The following PLEKHM1 variants were observed in gnomAD, a reference collection of about 807,000 sequenced individuals.
PLEKHM1 encodes pleckstrin homology and RUN domain containing M1, also known as pleckstrin homology domain-containing family M member 1.
A neutral mutation model predicts 94.3 loss-of-function variants in PLEKHM1; 28 were observed. The ratio of observed to expected loss-of-function variants is 0.30; its 90% CI spans 0.22 to 0.41. PLEKHM1 has a LOEUF of 0.41. Among genes scored for constraint, PLEKHM1 ranks in the 10% least tolerant of loss-of-function variants. The pLI is 1.00. For missense variants in PLEKHM1, 907 were observed against 1,358.6 expected (o/e 0.67, Z 5.22); for synonymous variants, 424 against 581.2 (o/e 0.73, Z 3.89).
At chr17:45,486,514 C>T (rs1248509511) in intron 1 of PLEKHM1, among the ~76,000 whole-genome samples, 1 of 151,650 alleles carries the variant, frequency 6.6e-6, no homozygotes, top group Non-Finnish European at 1.5e-5. Flanking sequence ...GTGGAGCTTG[C>T]AGTGAGCCAA....
chr17:45,485,448 C>G (rs996557010), intron 1 of PLEKHM1, among the ~76,000 whole-genome samples: 30 of 152,034 alleles, frequency 2.0e-4, no homozygotes, highest in African/African-American at 6.8e-4. Flanking sequence ...AGGGCCGGGA[C>G]CCTAAGGACT....
intron 5 of PLEKHM1, among the ~76,000 whole-genome samples, chr17:45,462,734 A>G (rs1023639793): frequency 1.3e-5 from 2 of 152,228 alleles, no homozygotes; most frequent in Non-Finnish European, 2.9e-5. Flanking sequence ...ACATAAAATA[A>G]CAAAGGTGGG....
intron 2 of PLEKHM1, among the ~76,000 whole-genome samples, chr17:45,482,036 T>C (rs891889676): frequency 1.5e-4 from 23 of 151,806 alleles, no homozygotes; most frequent in Non-Finnish European, 3.1e-4. Flanking sequence ...ATTTAGAATA[T>C]CCTAGAAAAT....
intron 9 of PLEKHM1, among the ~76,000 whole-genome samples, chr17:45,443,670 G>C (rs1049491902): frequency 2.0e-5 from 3 of 151,438 alleles, no homozygotes; most frequent in Admixed American, 1.3e-4. Flanking sequence ...CAGGCATCTG[G>C]TCTACACAGG....
At chr17:45,462,809 T>A (rs988635508) in intron 5 of PLEKHM1, among the ~76,000 whole-genome samples, 1 of 152,098 alleles carries the variant, frequency 6.6e-6, no homozygotes. Context: ...AGAATGGGCA[T>A]GATGGATCAT....
intron 1 of PLEKHM1, chr17:45,487,616 C>G (rs543941688): frequency 2.3e-5 from 10 of 434,700 alleles, no homozygotes; most frequent in South Asian, 1.3e-4. Flanking sequence ...TAGGAAGGAA[C>G]AGTTCCGGTT....
chr17:45,486,021 C>G (rs891041694), intron 1 of PLEKHM1, among the ~76,000 whole-genome samples: 6 of 150,000 alleles, frequency 4.0e-5, no homozygotes, highest in African/African-American at 1.5e-4. Flanking sequence ...TCGAGACCAT[C>G]CTGGCTAACA....
At chr17:45,435,825 C>T, downstream of PLEKHM1, 4 of 399,000 alleles carry the variant, frequency 1.0e-5, no homozygotes, top group Non-Finnish European at 2.0e-5. Context: ...GGTAGGGGAC[C>T]CTGACAGATG....
At chr17:45,471,538 G>A (rs1173029800) in intron 4 of PLEKHM1, among the ~76,000 whole-genome samples, 6 of 151,606 alleles carry the variant, frequency 4.0e-5, no homozygotes, top group African/African-American at 1.2e-4. Context: ...TGAGCCAGGC[G>A]GATCACCTGA....
chr17:45,445,029 C>T lies in PLEKHM1; in HGVS notation c.2837+441G>A, dbSNP rs112445507. Among the ~76,000 whole-genome samples, 99 of 152,366 alleles carry T rather than the reference C, an allele frequency of 6.5e-4. 2 individuals are homozygous for T. The highest frequency in any genetic ancestry group is 1.8e-3 in the Admixed American group (28 of 15,302). Reference sequence around the variant, plus strand: ...TCCCTGCCAGGCCAGAGACTTCCGGCGGGTCGGCCCTGGCTCTGTCCTGCT... The same window carrying T: ...TCCCTGCCAGGCCAGAGACTTCCGGTGGGTCGGCCCTGGCTCTGTCCTGCT... On this transcript the variant is annotated intron_variant, in intron 9 of 11. Transcript: ENST00000430334. The surrounding 1 kb of genome is among the most constrained non-coding windows in gnomAD (Gnocchi z 4.2).
chr17:45,443,835 G>A (rs533723236), intron 9 of PLEKHM1, among the ~76,000 whole-genome samples: 23 of 152,128 alleles, frequency 1.5e-4, no homozygotes, highest in Non-Finnish European at 2.5e-4. Flanking sequence ...GTAAGTCAGC[G>A]CTTGCCAAGA....
At chr17:45,475,830 T>A (rs540325483) in intron 3 of PLEKHM1, 104 bp from the exon 4 acceptor site, 1 of 1,202,498 alleles carries the variant, frequency 8.3e-7, no homozygotes, top group African/African-American at 1.5e-5. Flanking sequence ...TGCAAATAGA[T>A]ACAGGCATGA....
intron 6 of PLEKHM1, among the ~76,000 whole-genome samples, chr17:45,457,446 A>G (rs1026784267): frequency 3.3e-5 from 5 of 151,800 alleles, no homozygotes; most frequent in Admixed American, 2.6e-4. Flanking sequence ...TGTAATCCCA[A>G]CTACTCGGGT....
chr17:45,486,869 C>A (rs935536428), intron 1 of PLEKHM1, among the ~76,000 whole-genome samples: 4 of 152,134 alleles, frequency 2.6e-5, no homozygotes, highest in African/African-American at 9.7e-5. Context: ...GAACTCACGG[C>A]GGGAATCAGA....
rs368293677 is a variant in PLEKHM1, at chr17:45,444,557, G to C, written c.2837+913C>G. On this transcript the variant is annotated intron_variant, in intron 9 of 11. Transcript: ENST00000430334. The surrounding 1 kb of genome is among the most constrained non-coding windows in gnomAD (Gnocchi z 5.0). Reference sequence around the variant, plus strand: ...GAGGCTGGCATGGGCCAGACGACTGGCTGGTACAGGGAAGAGATGGGAACA... The same window carrying C: ...GAGGCTGGCATGGGCCAGACGACTGCCTGGTACAGGGAAGAGATGGGAACA... Among the ~76,000 whole-genome samples the C allele has an allele frequency of 6.6e-6, 1 of 152,198 alleles. No homozygotes were observed. The highest frequency in any genetic ancestry group is 6.5e-5 in the Admixed American group (1 of 15,288).
In PLEKHM1 at chr17:45,437,265, T is replaced by C. The variant is rs1159216478; in HGVS notation, c.*593A>G. Reference sequence around the variant, plus strand: ...CTGAGGGGCGGTTTGGCACTGGCAGTGAGGGCCAAGGAAAGGCACTGGGTG... The same window carrying C: ...CTGAGGGGCGGTTTGGCACTGGCAGCGAGGGCCAAGGAAAGGCACTGGGTG... On this transcript the variant is annotated 3_prime_UTR_variant, in exon 12 of 12. Coordinates refer to ENST00000430334, the MANE Select transcript of PLEKHM1 (RefSeq NM_014798.3). The surrounding 1 kb of genome is among the most constrained non-coding windows in gnomAD (Gnocchi z 4.0). 2.2e-6 allele frequency: 1 copy of C among 454,000 alleles called. No homozygotes were observed. The highest frequency in any genetic ancestry group is 2.3e-5 in the Admixed American group (1 of 42,572). 28.1% of individuals were successfully genotyped at this position (454,000 alleles called of 1,614,324 possible).
chr17:45,461,737 A>G (rs1971634), intron 5 of PLEKHM1, among the ~76,000 whole-genome samples: 5,208 of 151,880 alleles, frequency 0.034, 314 homozygotes, highest in African/African-American at 0.12. Context: ...AGGCCCCTGC[A>G]ACCCCAGGCA....
Position 45,482,459 on chromosome 17 carries a change from A to C in PLEKHM1, c.26T>G (p.Leu9Arg), listed in dbSNP as rs201283261. 557 of 1,247,954 alleles carry C rather than the reference A, an allele frequency of 4.5e-4. 1 individual carries two copies. The highest frequency in any genetic ancestry group is 3.8e-4 in the Non-Finnish European group (329 of 860,240). 77.3% of individuals were successfully genotyped at this position (1,247,954 alleles called of 1,614,324 possible). A position where few individuals can be genotyped will look rare whatever the true frequency, so the allele number is the denominator to read the frequency against. ...TACCGGGATGGCAGCCTGGGGGTCCAGTCCATTCTCCACCACTGAAAGCAT... is the reference window on the plus strand; with the variant it reads ...TACCGGGATGGCAGCCTGGGGGTCCCGTCCATTCTCCACCACTGAAAGCAT... MLSVVENG[L>R]DPQAAIPVIK... is the part of the protein sequence containing the mutation. The change falls in exon 2 of 12, where the codon CTG becomes CGG. Residue 9 changes from leucine to arginine, a missense_variant. By Grantham distance (102) the Leu-to-Arg change is moderately radical. This residue lies in a region of PLEKHM1 where 176 missense variants were observed against 306.0 expected (regional missense o/e 0.58). Coordinates refer to ENST00000430334, the MANE Select transcript of PLEKHM1 (RefSeq NM_014798.3).
intron 3 of PLEKHM1, among the ~76,000 whole-genome samples, chr17:45,476,493 C>T (rs988536215): frequency 1.3e-5 from 2 of 151,878 alleles, no homozygotes; most frequent in African/African-American, 4.8e-5. Context: ...GTTGCAAGGC[C>T]AGGAAAGAGA....
Sources: gnomAD v4.1 joint callset for allele counts (sites outside exome capture counted in the v4.1 genomes callset) on GRCh38, gnomAD v4.1.1 for gene constraint, gnomAD v4.1.1 regional missense constraint, Gnocchi (gnomAD v3.1) non-coding constraint, MANE v1.5 for transcripts, NCBI Gene and HGNC (gene_info 2026-07-23, HGNC 2026-07-21) for gene names.